Variants in ATP8A2 observed in about 807,000 individuals in gnomAD.
ATP8A2 encodes the protein ATPase phospholipid transporting 8A2, also known as phospholipid-transporting ATPase IB.
ATP8A2 carries 100 observed loss-of-function variants against 165.6 expected under a neutral mutation model. That is an observed-to-expected ratio of 0.60 (90% CI 0.51 to 0.71). The LOEUF is 0.71. ATP8A2 is among the 30% of genes least tolerant of loss of function. ATP8A2 has a pLI of 0.00. For missense variants in ATP8A2, 1,227 were observed against 1,479.5 expected (o/e 0.83, Z 2.80); for synonymous variants, 543 against 548.8 (o/e 0.99, Z 0.15).
At chr13:25,772,617 T>C (rs2044647248) in intron 26 of ATP8A2, among the ~76,000 whole-genome samples, 1 of 151,824 alleles carries the variant, frequency 6.6e-6, no homozygotes, top group African/African-American at 2.4e-5. Flanking sequence ...TAGGATGGAG[T>C]CCTTTCTTTA....
chr13:25,530,711 CTT>C (rs1566227780), intron 4 of ATP8A2, 51 bp downstream of exon 4: 2 of 1,115,504 alleles, frequency 1.8e-6, no homozygotes, highest in Non-Finnish European at 2.6e-6. Context: ...TAGATAATAA[CTT>C]ATGTGTTGCC....
At chr13:25,998,308 A>C (rs993460568) in intron 35 of ATP8A2, among the ~76,000 whole-genome samples, 1 of 152,152 alleles carries the variant, frequency 6.6e-6, no homozygotes, top group East Asian at 1.9e-4. Context: ...GATGAAAGTC[A>C]AGGATCCCTG....
intron 25 of ATP8A2, among the ~76,000 whole-genome samples, chr13:25,704,175 A>G (rs544732330): frequency 5.9e-5 from 9 of 152,126 alleles, no homozygotes; most frequent in African/African-American, 2.2e-4. Context: ...TAAAATCAGA[A>G]CTCTAGAAAT....
At chr13:25,703,460 G>A (rs2042992101) in intron 25 of ATP8A2, among the ~76,000 whole-genome samples, 1 of 152,090 alleles carries the variant, frequency 6.6e-6, no homozygotes, top group South Asian at 2.1e-4. Flanking sequence ...TCTTAGGTAG[G>A]TATACACCCA....
At chr13:25,820,949 GTT>G (rs965131348) in intron 27 of ATP8A2, among the ~76,000 whole-genome samples, 1 of 144,732 alleles carries the variant, frequency 6.9e-6, no homozygotes. Context: ...CTTTGGGTTT[GTT>G]TTTTTTTTTC....
intron 19 of ATP8A2, among the ~76,000 whole-genome samples, chr13:25,576,455 G>T (rs2039621129): frequency 6.6e-6 from 1 of 152,108 alleles, no homozygotes; most frequent in African/African-American, 2.4e-5. Flanking sequence ...GGCTGCACAG[G>T]TGGACGGAGA....
chr13:25,663,632 C>T (rs942069234), intron 24 of ATP8A2, among the ~76,000 whole-genome samples: 2 of 152,142 alleles, frequency 1.3e-5, no homozygotes, highest in African/African-American at 4.8e-5. Context: ...CTAGAATTCT[C>T]TTTGTTCTAG....
intron 1 of ATP8A2, among the ~76,000 whole-genome samples, chr13:25,411,676 A>T (rs1047924850): frequency 3.3e-5 from 5 of 152,234 alleles, no homozygotes; most frequent in Admixed American, 3.3e-4. Context: ...TATGTTAAAA[A>T]GTGCATGTTT....
At chr13:25,749,788 A>G in intron 25 of ATP8A2, among the ~76,000 whole-genome samples, 1 of 152,230 alleles carries the variant, frequency 6.6e-6, no homozygotes, top group South Asian at 2.1e-4. Flanking sequence ...TCTGGTCACT[A>G]TAGAGTAGAA....
intron 27 of ATP8A2, among the ~76,000 whole-genome samples, chr13:25,775,859 G>C (rs575116054): frequency 2.0e-4 from 30 of 152,158 alleles, no homozygotes; most frequent in Non-Finnish European, 3.7e-4. Flanking sequence ...TGTAAGCTCT[G>C]ACAATACTGG....
intron 27 of ATP8A2, among the ~76,000 whole-genome samples, chr13:25,805,439 C>T (rs1950713951): frequency 1.3e-5 from 2 of 151,988 alleles, no homozygotes; most frequent in South Asian, 4.1e-4. Flanking sequence ...TCACCTGAGC[C>T]CAGGGTGGTC....
At chr13:25,626,677 G>A (rs1332213734) in intron 24 of ATP8A2, among the ~76,000 whole-genome samples, 1 of 152,106 alleles carries the variant, frequency 6.6e-6, no homozygotes, top group African/African-American at 2.4e-5. Flanking sequence ...GGTATGGGGA[G>A]TAAAGAAGTC....
chr13:25,649,438 G>A lies in ATP8A2; in HGVS notation c.2212-49735G>A, dbSNP rs140186717. On this transcript the variant is annotated intron_variant, in intron 24 of 36. Transcript: ENST00000381655. ...GTTGTGGGAGGGGCCTCAAAGTTAA[G>A]TGGAGACACTGAGATGGACAAGACC... Among the ~76,000 whole-genome samples, 4 of 152,174 alleles carry A rather than the reference G, an allele frequency of 2.6e-5. No homozygotes were observed. In the East Asian group the frequency reaches 7.7e-4, roughly 29 times the overall value.
At chr13:25,790,179 A>C (rs2045130835) in intron 27 of ATP8A2, among the ~76,000 whole-genome samples, 1 of 152,212 alleles carries the variant, frequency 6.6e-6, no homozygotes, top group Admixed American at 6.5e-5. Context: ...AGATTTCATG[A>C]TGAAGATGGC....
chr13:25,630,962 T>C (rs75083761), intron 24 of ATP8A2, among the ~76,000 whole-genome samples: 5,246 of 152,262 alleles, frequency 0.034, 157 homozygotes, highest in East Asian at 0.13. Flanking sequence ...TTGGCTGTGC[T>C]GGAGGCCATA....
intron 1 of ATP8A2, among the ~76,000 whole-genome samples, chr13:25,449,572 G>A (rs952150136): frequency 6.6e-6 from 1 of 152,142 alleles, no homozygotes; most frequent in Non-Finnish European, 1.5e-5. Flanking sequence ...GTGTCCAGGG[G>A]CTTCAGAGTC....
intron 27 of ATP8A2, among the ~76,000 whole-genome samples, chr13:25,803,792 T>C (rs1433932488): frequency 6.6e-6 from 1 of 152,268 alleles, no homozygotes; most frequent in Non-Finnish European, 1.5e-5. Flanking sequence ...TGCTGTTTCC[T>C]GTAGCTAGAA....
intron 1 of ATP8A2, among the ~76,000 whole-genome samples, chr13:25,378,634 T>C (rs1447590777): frequency 6.6e-6 from 1 of 152,194 alleles, no homozygotes; most frequent in Non-Finnish European, 1.5e-5. Context: ...GTTTTTTTCT[T>C]TTTAGCATCT....
chr13:25,755,862 A>C (rs1376224138), intron 25 of ATP8A2, among the ~76,000 whole-genome samples: 1 of 152,166 alleles, frequency 6.6e-6, no homozygotes, highest in African/African-American at 2.4e-5. Context: ...AGCCAAGATC[A>C]CACCACTGCA....
Sources: gnomAD v4.1 joint callset for allele counts (sites outside exome capture counted in the v4.1 genomes callset) on GRCh38, gnomAD v4.1.1 for gene constraint, MANE v1.5 for transcripts, NCBI Gene and HGNC (gene_info 2026-07-23, HGNC 2026-07-21) for gene names.